The following SOX5 variants were observed in gnomAD, a reference collection of about 807,000 sequenced individuals.
The protein encoded by SOX5 is transcription factor SOX-5.
In SOX5, 9 loss-of-function variants were observed where a neutral mutation model predicts 92.0. The ratio of observed to expected loss-of-function variants is 0.10; its 90% CI spans 0.06 to 0.17. The LOEUF is 0.17. Ranked by LOEUF, SOX5 falls within the 10% of genes least tolerant of loss-of-function variation. The pLI is 1.00. For synonymous variants in SOX5, 344 were observed against 336.3 expected (o/e 1.02, Z -0.25); for missense variants, 642 against 944.5 (o/e 0.68, Z 4.20).
At chr12:23,672,187 T>A (rs913597271) in intron 6 of SOX5, among the ~76,000 whole-genome samples, 1 of 152,106 alleles carries the variant, frequency 6.6e-6, no homozygotes, top group Non-Finnish European at 1.5e-5. Context: ...CCTCCAGGGC[T>A]GATATAGCCA....
At chr12:23,835,573 T>C (rs1324522649) in intron 3 of SOX5, among the ~76,000 whole-genome samples, 4 of 151,868 alleles carry the variant, frequency 2.6e-5, no homozygotes, top group Admixed American at 2.6e-4. Context: ...TGAGTTAATC[T>C]CCCATTAAAA....
At chr12:24,511,926 C>G (rs941738540) in intron 1 of SOX5, among the ~76,000 whole-genome samples, 1 of 147,460 alleles carries the variant, frequency 6.8e-6, no homozygotes, top group African/African-American at 2.5e-5. Flanking sequence ...CCACTGCACT[C>G]CAGCCTGGGC....
chr12:23,949,574 C>T lies in SOX5; in HGVS notation c.28G>A (p.Glu10Lys), dbSNP rs199934181. 4 of 1,613,760 alleles carry T rather than the reference C, an allele frequency of 2.5e-6. No individual in the cohort carries two copies. Among genetic ancestry groups the T allele is most frequent in the Non-Finnish European group, 2.5e-6 (3 of 1,179,736 alleles). Residue 10 changes from glutamate (E) to lysine (K), a missense_variant, in exon 1 of 15, where the codon GAG becomes AAG. Glu to Lys is a moderately conservative substitution (Grantham distance 56). Transcript: ENST00000451604. MLTDPDLPQ[E>K]FERMSSKRPA... ...AAAAACTGTACTCACCTTTCAAACT[C>T]CTGAGGTAAATCAGGGTCAGTAAGC... is the stretch of plus-strand genomic sequence containing the variant.
upstream of SOX5, among the ~76,000 whole-genome samples, chr12:23,955,932 C>CT (rs1166007717): frequency 6.6e-6 from 1 of 152,150 alleles, no homozygotes; most frequent in Non-Finnish European, 1.5e-5. Flanking sequence ...GCTCCATTAT[C>CT]TTGCTACAAT....
At chr12:23,915,216 A>C (rs1474898824) in intron 1 of SOX5, among the ~76,000 whole-genome samples, 1 of 152,168 alleles carries the variant, frequency 6.6e-6, no homozygotes, top group African/African-American at 2.4e-5. Flanking sequence ...AACAGTATAC[A>C]TACTGAATAA....
chr12:23,579,839 A>G (rs892740098), intron 9 of SOX5, among the ~76,000 whole-genome samples: 1 of 152,144 alleles, frequency 6.6e-6, no homozygotes, highest in African/African-American at 2.4e-5. Flanking sequence ...AATAATTGAA[A>G]AAGATACTAT....
intron 1 of SOX5, among the ~76,000 whole-genome samples, chr12:24,473,848 T>C (rs1269760138): frequency 6.6e-6 from 1 of 152,200 alleles, no homozygotes; most frequent in African/African-American, 2.4e-5. Context: ...TTTCATGTGA[T>C]TTTGATGTTA....
intron 1 of SOX5, among the ~76,000 whole-genome samples, chr12:24,523,585 G>C (rs1723957038): frequency 6.6e-6 from 1 of 152,178 alleles, no homozygotes; most frequent in African/African-American, 2.4e-5. Flanking sequence ...TAGGAAATTT[G>C]CACATATACA....
chr12:23,655,665 G>T (rs2082217070), intron 7 of SOX5, among the ~76,000 whole-genome samples: 1 of 151,924 alleles, frequency 6.6e-6, no homozygotes, highest in Admixed American at 6.6e-5. Flanking sequence ...GTGTATCCAG[G>T]GTCTGAGGTT....
intron 3 of SOX5, chr12:23,762,636 G>C: frequency 2.0e-6 from 1 of 503,560 alleles, no homozygotes. Context: ...GTCTTTGGCT[G>C]ACTCAAGTTT....
chr12:23,655,232 A>G (rs1300705717), intron 7 of SOX5, among the ~76,000 whole-genome samples: 5 of 152,068 alleles, frequency 3.3e-5, no homozygotes, highest in Non-Finnish European at 7.4e-5. Flanking sequence ...GTATCCCTGA[A>G]AAGGTGACAA....
At chr12:23,858,571 G>C (rs552269376) in intron 2 of SOX5, among the ~76,000 whole-genome samples, 66 of 152,272 alleles carry the variant, frequency 4.3e-4, no homozygotes, top group African/African-American at 1.5e-3. Flanking sequence ...TTGCAGAGAA[G>C]AGGGAACCCT....
At chr12:24,488,564 T>A (rs1018756138) in intron 1 of SOX5, among the ~76,000 whole-genome samples, 2 of 152,202 alleles carry the variant, frequency 1.3e-5, no homozygotes, top group Non-Finnish European at 2.9e-5. Flanking sequence ...CTAGCCTGCA[T>A]GACAGAGTGA....
chr12:24,195,806 T>C (rs1956955185), intron 4 of SOX5, among the ~76,000 whole-genome samples: 1 of 152,210 alleles, frequency 6.6e-6, no homozygotes, highest in Admixed American at 6.5e-5. Context: ...TAAGGATTAA[T>C]TAAGAACAAC....
chr12:24,196,767 G>A (rs564239331), intron 4 of SOX5, among the ~76,000 whole-genome samples: 312 of 152,276 alleles, frequency 2.0e-3, no homozygotes, highest in East Asian at 9.7e-4. Flanking sequence ...GCCAGGCGTG[G>A]TGGTGCAAGC....
chr12:24,001,643 C>G (rs1018023465), intron 4 of SOX5, among the ~76,000 whole-genome samples: 2 of 148,066 alleles, frequency 1.4e-5, no homozygotes, highest in Non-Finnish European at 3.0e-5. Context: ...CACAGTGAGA[C>G]CCCATCTCTA....
chr12:23,819,577 A>C (rs540701235), intron 3 of SOX5, among the ~76,000 whole-genome samples: 1 of 152,002 alleles, frequency 6.6e-6, no homozygotes, highest in South Asian at 2.1e-4. Context: ...TCCCTCCCCT[A>C]GTCCCCCCAC....
At chr12:24,416,393 T>C (rs928268781) in intron 1 of SOX5, among the ~76,000 whole-genome samples, 6 of 152,196 alleles carry the variant, frequency 3.9e-5, no homozygotes, top group Non-Finnish European at 8.8e-5. Flanking sequence ...TTTCACTGAC[T>C]GACCAACCCA....
At chr12:24,272,132 C>T (rs1943837375) in intron 3 of SOX5, among the ~76,000 whole-genome samples, 1 of 152,122 alleles carries the variant, frequency 6.6e-6, no homozygotes, top group Non-Finnish European at 1.5e-5. Flanking sequence ...TGGTATATCT[C>T]ATCATTCATA....
Sources: gnomAD v4.1 joint callset for allele counts (sites outside exome capture counted in the v4.1 genomes callset) on GRCh38, gnomAD v4.1.1 for gene constraint, MANE v1.5 for transcripts, NCBI Gene and HGNC (gene_info 2026-07-23, HGNC 2026-07-21) for gene names.